Variants in CCNB3 observed in about 807,000 individuals in gnomAD.
CCNB3 encodes the protein cyclin B3.
A neutral mutation model predicts 68.0 loss-of-function variants in CCNB3; 12 were observed. The observed-to-expected ratio is 0.18, with a 90% CI of 0.11 to 0.29. CCNB3 has a LOEUF of 0.29. Ranked by LOEUF, CCNB3 falls within the 10% of genes least tolerant of loss-of-function variation. The pLI, the probability that CCNB3 is intolerant of heterozygous loss-of-function variation, is 1.00. For missense variants in CCNB3, 904 were observed against 993.1 expected (o/e 0.91, Z 1.21); for synonymous variants, 354 against 388.9 (o/e 0.91, Z 1.06).
rs782249730 is a variant in CCNB3 at position 50,310,217 on chromosome X, C to T, written c.2048C>T (p.Thr683Ile). 4 of 1,207,905 alleles carry T rather than the reference C, an allele frequency of 3.3e-6. No homozygotes were observed. The African/African-American group carries it at 5.2e-5, about 16-fold the overall frequency. ...QELFSLHVKH[T>I]NKSGSLFQEA... Reference sequence around the variant, plus strand: ...CTATTTTCATTGCATGTTAAGCATACCAACAAAAGTGGGTCCCTCTTCCAG... The same window carrying T: ...CTATTTTCATTGCATGTTAAGCATATCAACAAAAGTGGGTCCCTCTTCCAG... Residue 683 changes from threonine (T) to isoleucine (I), a missense_variant, in exon 6 of 13, where the codon ACC (threonine) becomes ATC (isoleucine). Thr to Ile is a moderately conservative substitution (Grantham distance 89). Coordinates refer to ENST00000376042, the MANE Select transcript of CCNB3 (RefSeq NM_033031.3).
chrX:50,280,000 A>C (rs1207628460), intron 1 of CCNB3, among the ~76,000 whole-genome samples: 1 of 85,599 alleles, frequency 1.2e-5, no homozygotes, highest in African/African-American at 4.6e-5. Flanking sequence ...GAATATATAC[A>C]TAGAATATAT....
intron 8 of CCNB3, among the ~76,000 whole-genome samples, chrX:50,322,184 A>G (rs1456949120): frequency 9.1e-6 from 1 of 109,412 alleles, no homozygotes; most frequent in East Asian, 2.9e-4. Flanking sequence ...CTACAAGGCC[A>G]CAGTAACCAA....
At chrX:50,312,688 C>A (rs781842086) in intron 7 of CCNB3, 56 bp downstream of exon 7, 2 of 818,106 alleles carry the variant, frequency 2.4e-6, no homozygotes, top group African/African-American at 2.1e-5. Flanking sequence ...CTTCATCATT[C>A]CATCCTTCAG....
intron 8 of CCNB3, among the ~76,000 whole-genome samples, chrX:50,319,803 G>A (rs188393930): frequency 2.1e-4 from 23 of 111,485 alleles, no homozygotes; most frequent in Non-Finnish European, 3.0e-4. Flanking sequence ...TTAATCCTGC[G>A]TAATATATTT....
intron 1 of CCNB3, among the ~76,000 whole-genome samples, chrX:50,227,598 C>G (rs1323583556): frequency 3.9e-5 from 2 of 51,898 alleles, no homozygotes; most frequent in Admixed American, 2.8e-4. Flanking sequence ...AATATATATA[C>G]AGAGAATATA....
intron 1 of CCNB3, among the ~76,000 whole-genome samples, chrX:50,205,217 A>G (rs1455210007): frequency 3.6e-5 from 4 of 110,929 alleles, no homozygotes; most frequent in Admixed American, 9.5e-5. Flanking sequence ...CGGGGCGGGC[A>G]GATCACCTGA....
rs782397198 is a variant in CCNB3 at position 50,310,921 on chromosome X, A to C, written c.2752A>C (p.Met918Leu). The change falls in exon 6 of 13, where the codon ATG (methionine) becomes CTG (leucine). Residue 918 changes from methionine to leucine, a missense_variant. Met to Leu is a conservative substitution (Grantham distance 15). This residue lies in a region of CCNB3 where 285 missense variants were observed against 383.4 expected (regional missense o/e 0.74). Coordinates refer to ENST00000376042, the MANE Select transcript of CCNB3 (RefSeq NM_033031.3). The part of the protein sequence containing the change: ...TLLKKPLALK[M>L]STINEAVLFE... The stretch of plus-strand genomic sequence containing the variant: ...CCTCAAAAAGCCATTAGCCTTGAAG[A>C]TGTCTACCATCAATGAGGCAGTCCT... The C allele has an allele frequency of 5.0e-6, 6 of 1,210,677 alleles. No individual in the cohort carries two copies. In the African/African-American group the frequency reaches 8.7e-5, roughly 18 times the overall value.
At position 50,342,388 on chromosome X, in the gene CCNB3, A is replaced by G. The variant is rs782617810; in HGVS notation, c.3654+49A>G. On this transcript the variant is annotated intron_variant, in intron 9 of 12. Coordinates refer to ENST00000376042, the MANE Select transcript of CCNB3 (RefSeq NM_033031.3). ...GGAGAACTAATCAAGTTTCTGTCCA[A>G]CCCAGTGAATGAATATATATTCATA... The G allele has an allele frequency of 2.7e-6, 3 of 1,097,462 alleles. No individual in the cohort carries two copies. In the African/African-American group the frequency reaches 5.6e-5, roughly 21 times the overall value. 90.4% of individuals were successfully genotyped at this position (1,097,462 alleles called of 1,213,427 possible).
At chrX:50,326,759 T>C (rs782239844) in intron 8 of CCNB3, among the ~76,000 whole-genome samples, 2 of 111,818 alleles carry the variant, frequency 1.8e-5, no homozygotes, top group Non-Finnish European at 3.8e-5. Flanking sequence ...TTCAGTTCTT[T>C]GGAGCAAAAA....
chrX:50,221,837 C>T (rs978207871), intron 1 of CCNB3, among the ~76,000 whole-genome samples: 1 of 111,112 alleles, frequency 9.0e-6, no homozygotes, highest in African/African-American at 3.3e-5. Flanking sequence ...TTAATTTTCT[C>T]TCTCGTTGAT....
chrX:50,300,473 C>G (rs1273761505), intron 5 of CCNB3, among the ~76,000 whole-genome samples: 1 of 111,890 alleles, frequency 8.9e-6, no homozygotes, highest in Non-Finnish European at 1.9e-5. Context: ...CCACTCTCTT[C>G]CGGCTTGTAG....
chrX:50,336,105 G>A (rs782177280), intron 8 of CCNB3, among the ~76,000 whole-genome samples: 19 of 111,803 alleles, frequency 1.7e-4, no homozygotes, highest in Admixed American at 3.8e-4. Context: ...CCTTGGGGGC[G>A]CTTGAGCCGG....
At chrX:50,222,145 G>A (rs1373751467) in intron 1 of CCNB3, among the ~76,000 whole-genome samples, 1 of 110,180 alleles carries the variant, frequency 9.1e-6, no homozygotes, top group Admixed American at 9.8e-5. Context: ...CCTTTATTTT[G>A]AGCCTATGTG....
In CCNB3 at chrX:50,309,971, TAAA is replaced by T; in HGVS notation, c.1803_1805del (p.Lys603del). On this transcript the variant is annotated inframe_deletion, in exon 6 of 13. Coordinates refer to ENST00000376042, the MANE Select transcript of CCNB3 (RefSeq NM_033031.3). ...ATTACTCAGGGGAAGATGTCCCACTTAAAGAAGCCACTGGTCTTGCAGAAGATC... is the reference window on the plus strand; with the variant it reads ...ATTACTCAGGGGAAGATGTCCCACTTGAAGCCACTGGTCTTGCAGAAGATC... 1 of 1,210,953 alleles carries T rather than the reference TAAA, an allele frequency of 8.3e-7. No individual in the cohort carries two copies. Among genetic ancestry groups the T allele is most frequent in the Non-Finnish European group, 1.1e-6 (1 of 894,842 alleles).
rs183189190 is a variant in CCNB3 at position 50,291,745 on chromosome X, T to G, written c.204+2858T>G. Among the ~76,000 whole-genome samples the G allele has an allele frequency of 2.7e-3, 297 of 111,520 alleles. 2 individuals are homozygous for G. Among genetic ancestry groups the G allele is most frequent in the African/African-American group, 9.2e-3 (283 of 30,751 alleles). On this transcript the variant is annotated intron_variant, in intron 4 of 12. Transcript: ENST00000376042. ...GCCATGAATGCACCTCTTTTCCCAT[T>G]CTGAATCTTGATTGTACATATAAGG...
intron 12 of CCNB3, 77 bp downstream of exon 12, chrX:50,351,448 C>T: frequency 8.8e-7 from 1 of 1,133,986 alleles, no homozygotes; most frequent in Non-Finnish European, 1.2e-6. Flanking sequence ...CCGAGACTAG[C>T]CTCACTTAAG....
chrX:50,311,187 A>T lies in CCNB3; in HGVS notation c.3018A>T (p.Ala1006=). The T allele has an allele frequency of 8.3e-7, 1 of 1,205,984 alleles. No homozygotes were observed. The highest frequency in any genetic ancestry group is 1.1e-6 in the Non-Finnish European group (1 of 894,139). Reference sequence around the variant, plus strand: ...GCAAATCTGGTACCATCAATGAGGCATTCCTCTTCGAAGATATGATAACTC... The same window carrying T: ...GCAAATCTGGTACCATCAATGAGGCTTTCCTCTTCGAAGATATGATAACTC... ...SVGKSGTINE[A]FLFEDMITLN... The change falls in exon 6 of 13, where the codon GCA becomes GCT. Residue 1006 remains alanine (A), a synonymous_variant. Transcript: ENST00000376042.
At chrX:50,291,542 G>A (rs782458155) in intron 4 of CCNB3, among the ~76,000 whole-genome samples, 11 of 111,505 alleles carry the variant, frequency 9.9e-5, no homozygotes, top group African/African-American at 3.3e-4. Flanking sequence ...GCAATTATAG[G>A]TGTGAGCCAC....
chrX:50,318,795 T>G (rs1326030052), intron 8 of CCNB3, among the ~76,000 whole-genome samples: 1 of 111,684 alleles, frequency 9.0e-6, no homozygotes, highest in African/African-American at 3.3e-5. Context: ...ATGTTAATTG[T>G]GGCTTACTGT....
Sources: gnomAD v4.1 joint callset for allele counts (sites outside exome capture counted in the v4.1 genomes callset) on GRCh38, gnomAD v4.1.1 for gene constraint, gnomAD v4.1.1 regional missense constraint, MANE v1.5 for transcripts, NCBI Gene and HGNC (gene_info 2026-07-23, HGNC 2026-07-21) for gene names.